C12orf42: variants seen among roughly 807,000 people sequenced by gnomAD.
The protein encoded by C12orf42 is chromosome 12 open reading frame 42, also known as uncharacterized protein C12orf42.
C12orf42 carries 25 observed loss-of-function variants against 21.6 expected under a neutral mutation model. That is an observed-to-expected ratio of 1.16 (90% CI 0.84 to 1.62). The LOEUF is 1.62. C12orf42 is among the 40% of genes most tolerant of loss of function. The pLI, the probability that C12orf42 is intolerant of heterozygous loss-of-function variation, is 0.00. For missense variants in C12orf42, 483 were observed against 459.3 expected (o/e 1.05, Z -0.47); for synonymous variants, 174 against 175.0 (o/e 0.99, Z 0.05).
At chr12:103,429,552 A>C (rs1439318730) in intron 2 of C12orf42, among the ~76,000 whole-genome samples, 3 of 152,236 alleles carry the variant, frequency 2.0e-5, no homozygotes, top group Non-Finnish European at 4.4e-5. Context: ...GCCCAAAGTA[A>C]TTTATAGATT....
intron 10 of C12orf42, among the ~76,000 whole-genome samples, chr12:103,258,938 C>T (rs886966121): frequency 6.6e-6 from 1 of 152,072 alleles, no homozygotes; most frequent in African/African-American, 2.4e-5. Context: ...AGTTGAACCC[C>T]ACTAATATGC....
the C12orf42 span, among the ~76,000 whole-genome samples, chr12:103,107,817 A>G: frequency 6.6e-6 from 1 of 151,790 alleles, no homozygotes. Flanking sequence ...AAAGACTAAT[A>G]AAATCATTCT....
At chr12:103,256,107 TATATACAC>T (rs1176849973) in intron 10 of C12orf42, among the ~76,000 whole-genome samples, 70 of 39,044 alleles carry the variant, frequency 1.8e-3, no homozygotes, top group East Asian at 4.3e-3. Flanking sequence ...TATATATATA[TATATACAC>T]ACACACACAC....
chr12:103,304,353 A>G (rs1289377283), intron 5 of C12orf42, among the ~76,000 whole-genome samples: 2 of 152,228 alleles, frequency 1.3e-5, no homozygotes, highest in Non-Finnish European at 1.5e-5. Flanking sequence ...GAAGCAGACT[A>G]ACGAGCAAGT....
At chr12:103,398,740 A>T (rs1041367989) in intron 3 of C12orf42, among the ~76,000 whole-genome samples, 3 of 152,050 alleles carry the variant, frequency 2.0e-5, no homozygotes, top group African/African-American at 7.2e-5. Flanking sequence ...CATTTATTGA[A>T]TAGTCCTTCC....
intron 4 of C12orf42, among the ~76,000 whole-genome samples, chr12:103,356,450 G>T (rs2043561917): frequency 6.6e-6 from 1 of 152,148 alleles, no homozygotes; most frequent in South Asian, 2.1e-4. Flanking sequence ...TTGGTTCCAA[G>T]TCTTTGCTAT....
At chr12:103,143,915 G>A in the C12orf42 span, among the ~76,000 whole-genome samples, 1 of 151,988 alleles carries the variant, frequency 6.6e-6, no homozygotes, top group Non-Finnish European at 1.5e-5. Context: ...TGCAAAATGG[G>A]GATAATAATA....
intron 2 of C12orf42, among the ~76,000 whole-genome samples, chr12:103,463,751 C>G (rs911694653): frequency 6.6e-6 from 1 of 152,044 alleles, no homozygotes; most frequent in African/African-American, 2.4e-5. Flanking sequence ...CTGCCCCCAG[C>G]CCCTGACAGA....
At chr12:103,300,754 C>T (rs963738044), downstream of C12orf42, among the ~76,000 whole-genome samples, 7 of 152,166 alleles carry the variant, frequency 4.6e-5, no homozygotes, top group African/African-American at 1.7e-4. Context: ...ACATTTATCT[C>T]CAACCAAATG....
downstream of C12orf42, among the ~76,000 whole-genome samples, chr12:103,266,902 TCAGA>T (rs2035197591): frequency 6.6e-6 from 1 of 151,946 alleles, no homozygotes; most frequent in Non-Finnish European, 1.5e-5. Flanking sequence ...CCAAGAAAGG[TCAGA>T]CAGTGATTAT....
At chr12:103,265,246 T>G (rs934060746), downstream of C12orf42, among the ~76,000 whole-genome samples, 4 of 152,086 alleles carry the variant, frequency 2.6e-5, no homozygotes, top group Non-Finnish European at 4.4e-5. Flanking sequence ...CATAAGAATG[T>G]TGGAGGGGCA....
the C12orf42 span, among the ~76,000 whole-genome samples, chr12:103,163,690 G>A: frequency 6.6e-6 from 1 of 152,148 alleles, no homozygotes; most frequent in African/African-American, 2.4e-5. Flanking sequence ...GGCCTGGAAA[G>A]TCAGTTATCA....
chr12:103,121,880 T>G, the C12orf42 span, among the ~76,000 whole-genome samples: 1 of 152,228 alleles, frequency 6.6e-6, no homozygotes, highest in African/African-American at 2.4e-5. Context: ...CTTTAACATT[T>G]TTTTAGAGAT....
At chr12:103,462,103 T>TTTTTTTTTTTTTTC (rs1952764307) in intron 2 of C12orf42, among the ~76,000 whole-genome samples, 2 of 77,672 alleles carry the variant, frequency 2.6e-5, no homozygotes, top group Non-Finnish European at 5.2e-5. Context: ...TTGGTTTTTT[T>TTTTTTTTTTTTTTC]TTTTTTTTTT....
the C12orf42 span, among the ~76,000 whole-genome samples, chr12:103,198,391 C>T: frequency 5.3e-5 from 8 of 152,108 alleles, no homozygotes; most frequent in African/African-American, 9.7e-5. Context: ...TGGGAGAGGC[C>T]GGCAGACAGA....
the C12orf42 span, among the ~76,000 whole-genome samples, chr12:103,114,153 A>T: frequency 2.0e-5 from 3 of 152,218 alleles, no homozygotes; most frequent in Non-Finnish European, 4.4e-5. Context: ...AAAAATACAT[A>T]TATATGCTTT....
At chr12:103,190,478 T>A in the C12orf42 span, among the ~76,000 whole-genome samples, 2 of 152,190 alleles carry the variant, frequency 1.3e-5, no homozygotes, top group Admixed American at 1.3e-4. Context: ...CAAGTTGACA[T>A]CTAATATTGA....
At chr12:103,426,682 GA>G (rs1406525856) in intron 2 of C12orf42, among the ~76,000 whole-genome samples, 1 of 152,156 alleles carries the variant, frequency 6.6e-6, no homozygotes, top group African/African-American at 2.4e-5. Context: ...AGGTTGAAAT[GA>G]AGGAAAAAAT....
chr12:103,095,388 C>T, the C12orf42 span, among the ~76,000 whole-genome samples: 1 of 152,198 alleles, frequency 6.6e-6, no homozygotes, highest in African/African-American at 2.4e-5. Flanking sequence ...TCACACTGGT[C>T]TCCTTGCTGC....
Sources: allele counts gnomAD v4.1 joint callset (sites outside exome capture counted in the v4.1 genomes callset), GRCh38; gene constraint gnomAD v4.1.1; transcripts MANE v1.5; gene names NCBI Gene and HGNC (gene_info 2026-07-23, HGNC 2026-07-21).